The following MTMR8 variants were observed in gnomAD, a reference collection of about 807,000 sequenced individuals.
MTMR8 encodes myotubularin related protein 8.
Under a neutral mutation model 39.3 loss-of-function variants are expected in MTMR8, and 65 were observed. That is an observed-to-expected ratio of 1.65 (90% CI 1.35 to 2.03). The LOEUF is 2.03. Ranked by LOEUF, MTMR8 falls within the 30% of genes most tolerant of loss-of-function variation. The probability of loss-of-function intolerance (pLI) is 0.00; values close to 1 mark genes in which losing one functional copy is unlikely to be tolerated. For missense variants in MTMR8, 777 were observed against 538.9 expected, an observed-to-expected ratio of 1.44 and a Z score of -4.37; for synonymous variants, 245 against 185.2, an observed-to-expected ratio of 1.32 and a Z score of -2.62.
chrX:64,349,970 A>G lies in MTMR8; in HGVS notation c.569T>C (p.Val190Ala). ...SKFRSKERVPVLSYLYKENNA... is the reference protein window; with the variant it reads ...SKFRSKERVPALSYLYKENNA... The stretch of plus-strand genomic sequence containing the variant: ...GTTCTCTTTGTAGAGGTAGGAGAGC[A>G]CAGGGACACGTTCTTTACTTCTGAA... Residue 190 changes from valine to alanine, a missense_variant, in exon 5 of 14, where the codon GTG becomes GCG. Coordinates refer to ENST00000374852, the MANE Select transcript of MTMR8 (RefSeq NM_017677.4). 8.4e-7 allele frequency: 1 copy of G among 1,195,395 alleles called. No individual in the cohort carries two copies. Among genetic ancestry groups the G allele is most frequent in the South Asian group, 1.9e-5 (1 of 53,672 alleles).
intron 12 of MTMR8, among the ~76,000 whole-genome samples, chrX:64,284,235 C>A (rs991452346): frequency 9.0e-6 from 1 of 111,209 alleles, no homozygotes; most frequent in Non-Finnish European, 1.9e-5. Context: ...TGATTGAAGA[C>A]CACATGAATG....
Position 64,336,139 on chromosome X carries a change from T to C in MTMR8, c.1102-11A>G. 8.6e-7 allele frequency: 1 copy of C among 1,167,861 alleles called. No individual in the cohort carries two copies. The highest frequency in any genetic ancestry group is 2.4e-4 in the Middle Eastern group (1 of 4,199). On this transcript the variant is annotated splice_polypyrimidine_tract_variant and intron_variant, in intron 9 of 13. Transcript: ENST00000374852. ...CTTCTCTATCAAGATCTTCATTTTA[T>C]AGAAAAGAAAGTGTTTGCATTAGGA...
chrX:64,303,692 A>T (rs1048538823), intron 12 of MTMR8, among the ~76,000 whole-genome samples: 1 of 112,631 alleles, frequency 8.9e-6, no homozygotes, highest in Non-Finnish European at 1.9e-5. Context: ...AAACTACTTT[A>T]TCAGTCTTTA....
rs981973326 is a variant in MTMR8, at chrX:64,284,292, C to T, written c.1482-13219G>A. On this transcript the variant is annotated intron_variant, in intron 12 of 13. Coordinates refer to ENST00000374852, the MANE Select transcript of MTMR8 (RefSeq NM_017677.4). Reference sequence around the variant, plus strand: ...TTAGAGAAAAAAGAATAAAAAGAAACGAATAAAGCCTCTAAAAAATATGGG... The same window carrying T: ...TTAGAGAAAAAAGAATAAAAAGAAATGAATAAAGCCTCTAAAAAATATGGG... Among the ~76,000 whole-genome samples, 25 of 111,525 alleles carry T rather than the reference C, an allele frequency of 2.2e-4. 1 individual carries two copies. In the South Asian group the frequency reaches 2.3e-3, roughly 10 times the overall value.
At chrX:64,333,577 T>G (rs1004351542) in intron 10 of MTMR8, among the ~76,000 whole-genome samples, 12 of 112,026 alleles carry the variant, frequency 1.1e-4, no homozygotes, top group African/African-American at 1.9e-4. Context: ...TTAATGTTTC[T>G]TTCTTCTCAG....
intron 1 of MTMR8, among the ~76,000 whole-genome samples, chrX:64,384,691 G>T (rs772425375): frequency 8.9e-6 from 1 of 112,566 alleles, no homozygotes; most frequent in Admixed American, 9.4e-5. Flanking sequence ...AGCCAGAGTA[G>T]CCCAGATTTG....
chrX:64,380,159 T>G (rs1924374309), intron 1 of MTMR8, among the ~76,000 whole-genome samples: 1 of 112,533 alleles, frequency 8.9e-6, no homozygotes, highest in African/African-American at 3.2e-5. Flanking sequence ...TTCCCAACTA[T>G]GCCTGCCACT....
chrX:64,325,196 T>C (rs1339750962), intron 12 of MTMR8, among the ~76,000 whole-genome samples: 1 of 112,061 alleles, frequency 8.9e-6, no homozygotes, highest in Admixed American at 9.5e-5. Flanking sequence ...GCCCAGGACT[T>C]GATGGCTTCA....
intron 12 of MTMR8, among the ~76,000 whole-genome samples, chrX:64,327,456 T>C (rs1199872404): frequency 9.0e-6 from 1 of 111,347 alleles, no homozygotes; most frequent in African/African-American, 3.3e-5. Context: ...ATCACGAAAA[T>C]GCAAATCAAA....
chrX:64,269,188 T>C, intron 13 of MTMR8, 145 bp from the exon 14 acceptor site: 3 of 545,143 alleles, frequency 5.5e-6, no homozygotes, highest in Non-Finnish European at 8.8e-6. Context: ...CCACAACATC[T>C]TTCCCTCATC....
intron 12 of MTMR8, chrX:64,305,845 G>A: frequency 3.3e-6 from 1 of 306,513 alleles, no homozygotes; most frequent in Non-Finnish European, 6.1e-6. Context: ...GCTGGGCATG[G>A]TGGCTCACAC....
intron 10 of MTMR8, among the ~76,000 whole-genome samples, chrX:64,333,406 C>A (rs751349888): frequency 9.0e-6 from 1 of 111,656 alleles, no homozygotes; most frequent in South Asian, 3.8e-4. Flanking sequence ...TCACATATAG[C>A]ACCTTTTCTG....
At chrX:64,289,636 C>CAAAAAAAAAAAAA (rs749879321) in intron 12 of MTMR8, among the ~76,000 whole-genome samples, 391 of 26,360 alleles carry the variant, frequency 0.015, 53 homozygotes, top group Middle Eastern at 0.045. Flanking sequence ...GACTCCATCG[C>CAAAAAAAAAAAAA]AAAAAAAAAA....
chrX:64,356,365 A>T, intron 2 of MTMR8, 27 bp from the exon 3 acceptor site: 1 of 1,175,446 alleles, frequency 8.5e-7, no homozygotes, highest in Non-Finnish European at 1.1e-6. Flanking sequence ...AACCAGCGTA[A>T]ACATACAGAT....
intron 13 of MTMR8, 77 bp downstream of exon 13, chrX:64,270,870 G>A: frequency 9.1e-7 from 1 of 1,094,543 alleles, no homozygotes; most frequent in Non-Finnish European, 1.2e-6. Flanking sequence ...CTTTCCACAA[G>A]TATCAATTCA....
intron 12 of MTMR8, among the ~76,000 whole-genome samples, chrX:64,323,356 C>T (rs779624509): frequency 4.2e-4 from 47 of 111,543 alleles, no homozygotes; most frequent in Non-Finnish European, 7.0e-4. Flanking sequence ...GAGTCATTTC[C>T]ACAAGATGAT....
chrX:64,333,022 C>T (rs753577825), intron 10 of MTMR8, among the ~76,000 whole-genome samples: 1 of 111,534 alleles, frequency 9.0e-6, no homozygotes, highest in South Asian at 3.8e-4. Flanking sequence ...TAACTACTCT[C>T]TCCCCATTTT....
chrX:64,298,287 A>G (rs1203451881), intron 12 of MTMR8, among the ~76,000 whole-genome samples: 2 of 102,981 alleles, frequency 1.9e-5, no homozygotes, highest in Admixed American at 1.1e-4. Context: ...CTCCTTGAAG[A>G]GGTCCTTCAC....
intron 1 of MTMR8, among the ~76,000 whole-genome samples, chrX:64,392,401 C>A (rs1924711600): frequency 9.0e-6 from 1 of 111,639 alleles, no homozygotes; most frequent in South Asian, 3.8e-4. Flanking sequence ...ATGGATAAAT[C>A]TTTCAAACAA....
Sources: allele counts gnomAD v4.1 joint callset (sites outside exome capture counted in the v4.1 genomes callset), GRCh38; gene constraint gnomAD v4.1.1; transcripts MANE v1.5; gene names NCBI Gene and HGNC (gene_info 2026-07-23, HGNC 2026-07-21).